Variants in MARCHF5 observed in about 807,000 individuals in gnomAD.
The protein encoded by MARCHF5 is E3 ubiquitin-protein ligase MARCHF5.
Under a neutral mutation model 36.5 loss-of-function variants are expected in MARCHF5, and 5 were observed. That is an observed-to-expected ratio of 0.14 (90% CI 0.07 to 0.29). MARCHF5 has a LOEUF of 0.29. MARCHF5 is among the 10% of genes least tolerant of loss of function. MARCHF5 has a pLI of 1.00. For synonymous variants in MARCHF5, 103 were observed against 109.9 expected, an observed-to-expected ratio of 0.94 and a Z score of 0.39; for missense variants, 179 against 336.3, an observed-to-expected ratio of 0.53 and a Z score of 3.66.
At chr10:92,338,224 G>C (rs1027989208) in intron 2 of MARCHF5, among the ~76,000 whole-genome samples, 19 of 152,078 alleles carry the variant, frequency 1.2e-4, no homozygotes, top group African/African-American at 4.6e-4. Context: ...TACGAAGGTT[G>C]AAGTGCTGAG....
Position 92,300,497 on chromosome 10 carries a change from C to CAA in MARCHF5, c.35+8979_35+8980dup, listed in dbSNP as rs946349700. ...TGGGCCACAGAGCAAGACCCTGTCT[C>CAA]AAAAAAAAAAAAGAGATCATATTCT... On this transcript the variant is annotated intron_variant, in intron 1 of 5. Coordinates refer to ENST00000358935, the MANE Select transcript of MARCHF5 (RefSeq NM_017824.5). 2.9e-5 allele frequency among the ~76,000 whole-genome samples: 4 copies of CAA among 138,162 alleles called. No individual in the cohort carries two copies. In the East Asian group the frequency reaches 8.3e-4, roughly 29 times the overall value. The allele number at this position is 138,162 out of a possible 152,430, so 90.6% of individuals were successfully genotyped here.
At chr10:92,319,736 C>T (rs1285790897) in intron 2 of MARCHF5, among the ~76,000 whole-genome samples, 1 of 135,794 alleles carries the variant, frequency 7.4e-6, no homozygotes, top group Non-Finnish European at 1.6e-5. Flanking sequence ...CTCACTGCAA[C>T]CTCCGCCTCC....
At chr10:92,302,929 C>T (rs1171407275) in intron 1 of MARCHF5, among the ~76,000 whole-genome samples, 1 of 152,182 alleles carries the variant, frequency 6.6e-6, no homozygotes, top group East Asian at 1.9e-4. Flanking sequence ...CGCTTGCTTT[C>T]TATATTCTCA....
At chr10:92,309,022 G>A (rs953706897) in intron 1 of MARCHF5, among the ~76,000 whole-genome samples, 3 of 152,106 alleles carry the variant, frequency 2.0e-5, no homozygotes, top group Non-Finnish European at 2.9e-5. Flanking sequence ...TGCTTTAAAT[G>A]TCAGTTCTAA....
chr10:92,292,290 G>T (rs2135168806), intron 1 of MARCHF5, among the ~76,000 whole-genome samples: 1 of 152,176 alleles, frequency 6.6e-6, no homozygotes, highest in African/African-American at 2.4e-5. Context: ...TCTGGTCCGT[G>T]GGTCCTACCA....
chr10:92,303,734 G>A (rs1843042956), intron 1 of MARCHF5, among the ~76,000 whole-genome samples: 1 of 151,964 alleles, frequency 6.6e-6, no homozygotes, highest in Non-Finnish European at 1.5e-5. Flanking sequence ...CTCTTTATTA[G>A]TTTACTATAT....
In MARCHF5 at chr10:92,333,677, C is replaced by T; in HGVS notation, c.239-6996C>T. Reference sequence around the variant, plus strand: ...TAAAGGAAGCCTCATGGGACATGGACAGGGTGGGGTAGTCAGCCTCTATCA... The same window carrying T: ...TAAAGGAAGCCTCATGGGACATGGATAGGGTGGGGTAGTCAGCCTCTATCA... On this transcript the variant is annotated intron_variant, in intron 2 of 5. Transcript: ENST00000358935. 6 of 984,560 alleles carry T rather than the reference C, an allele frequency of 6.1e-6. 1 individual carries two copies. In the South Asian group the frequency reaches 1.4e-4, roughly 23 times the overall value. The allele number at this position is 984,560 out of a possible 1,614,324, so 61.0% of individuals were successfully genotyped here.
chr10:92,328,673 T>G (rs1179056824), intron 2 of MARCHF5, among the ~76,000 whole-genome samples: 1 of 151,576 alleles, frequency 6.6e-6, no homozygotes, highest in Non-Finnish European at 1.5e-5. Flanking sequence ...CCTTTTTTTG[T>G]TATGATAGAA....
At chr10:92,305,566 C>A (rs1843065771) in intron 1 of MARCHF5, among the ~76,000 whole-genome samples, 1 of 152,122 alleles carries the variant, frequency 6.6e-6, no homozygotes, top group Admixed American at 6.5e-5. Flanking sequence ...AGGTCTGGGG[C>A]AAGGCCTAAA....
At chr10:92,294,111 A>T (rs1257931783) in intron 1 of MARCHF5, among the ~76,000 whole-genome samples, 2 of 152,172 alleles carry the variant, frequency 1.3e-5, no homozygotes, top group African/African-American at 2.4e-5. Context: ...AAGCTTTTTA[A>T]ATGTTTTAGA....
chr10:92,300,891 C>T (rs1184543571), intron 1 of MARCHF5, among the ~76,000 whole-genome samples: 6 of 127,728 alleles, frequency 4.7e-5, no homozygotes, highest in East Asian at 2.2e-4. Context: ...CCTCCTAATT[C>T]TTTTTTTTTT....
intron 1 of MARCHF5, among the ~76,000 whole-genome samples, chr10:92,292,272 G>A (rs1317828934): frequency 6.6e-6 from 1 of 152,126 alleles, no homozygotes; most frequent in Non-Finnish European, 1.5e-5. Flanking sequence ...GCCCTCTGCT[G>A]TTGAAATTCT....
intron 1 of MARCHF5, among the ~76,000 whole-genome samples, chr10:92,296,797 G>T (rs546540650): frequency 5.6e-4 from 86 of 152,300 alleles, no homozygotes; most frequent in South Asian, 1.5e-3. Context: ...TAGTGAATTA[G>T]AATTCTGCCT....
At chr10:92,331,857 A>G (rs1216341879) in intron 2 of MARCHF5, among the ~76,000 whole-genome samples, 1 of 147,664 alleles carries the variant, frequency 6.8e-6, no homozygotes, top group Non-Finnish European at 1.5e-5. Flanking sequence ...ATATATAATC[A>G]TATATATGTT....
intron 3 of MARCHF5, among the ~76,000 whole-genome samples, chr10:92,348,287 G>A (rs191612714): frequency 2.6e-5 from 4 of 151,854 alleles, no homozygotes; most frequent in Non-Finnish European, 4.4e-5. Context: ...TCAGGAGTTC[G>A]AGACCAACCT....
intron 1 of MARCHF5, 60 bp from the exon 2 acceptor site, chr10:92,311,075 T>G: frequency 8.0e-7 from 1 of 1,257,058 alleles, no homozygotes. Flanking sequence ...AGAGCTGCAG[T>G]ATAGAGGAGG....
At chr10:92,351,014 A>T (rs1843708398) in intron 5 of MARCHF5, 77 bp from the exon 6 acceptor site, 2 of 778,164 alleles carry the variant, frequency 2.6e-6, no homozygotes, top group East Asian at 2.6e-5. Flanking sequence ...GTCTTTTGTG[A>T]TCTAAATAAA....
At chr10:92,317,652 A>T (rs1175575734) in intron 2 of MARCHF5, among the ~76,000 whole-genome samples, 1 of 151,982 alleles carries the variant, frequency 6.6e-6, no homozygotes, top group Non-Finnish European at 1.5e-5. Flanking sequence ...CTTGCTTAAT[A>T]ATTTGGATAC....
intron 1 of MARCHF5, among the ~76,000 whole-genome samples, chr10:92,304,446 GAATAA>G (rs1843049396): frequency 6.6e-6 from 1 of 151,984 alleles, no homozygotes; most frequent in Admixed American, 6.6e-5. Context: ...GTTTTTGAAA[GAATAA>G]AACAAAATAT....
Sources: allele counts gnomAD v4.1 joint callset (sites outside exome capture counted in the v4.1 genomes callset), GRCh38; gene constraint gnomAD v4.1.1; transcripts MANE v1.5; gene names NCBI Gene and HGNC (gene_info 2026-07-23, HGNC 2026-07-21).